The following LRRC2 variants were observed in gnomAD, a reference collection of about 807,000 sequenced individuals.
LRRC2 encodes the protein leucine rich repeat containing 2.
LRRC2 carries 27 observed loss-of-function variants against 40.2 expected under a neutral mutation model. The observed-to-expected ratio is 0.67, with a 90% CI of 0.49 to 0.93. The LOEUF is 0.93. Ranked by LOEUF, LRRC2 falls within the 40% of genes least tolerant of loss-of-function variation. The pLI, the probability that LRRC2 is intolerant of heterozygous loss-of-function variation, is 0.00. For synonymous variants in LRRC2, 147 were observed against 158.9 expected (o/e 0.92, Z 0.56); for missense variants, 402 against 439.6 (o/e 0.91, Z 0.76).
chr3:46,553,601 T>G (rs1704714973), intron 1 of LRRC2, among the ~76,000 whole-genome samples: 2 of 151,972 alleles, frequency 1.3e-5, no homozygotes, highest in Non-Finnish European at 1.5e-5. Context: ...GATCCTCCCA[T>G]CTCAGCCTCC....
At chr3:46,526,864 G>T (rs1028646374) in intron 7 of LRRC2, among the ~76,000 whole-genome samples, 7 of 152,254 alleles carry the variant, frequency 4.6e-5, no homozygotes, top group Non-Finnish European at 8.8e-5. Context: ...GTCTCAGGTA[G>T]AATTAATGGG....
At chr3:46,551,371 C>A in intron 2 of LRRC2, 96 bp downstream of exon 2, 1 of 1,455,650 alleles carries the variant, frequency 6.9e-7, no homozygotes, top group East Asian at 2.3e-5. Flanking sequence ...GTGAGAAATC[C>A]CAGAAGAAAA....
chr3:46,562,003 T>G (rs924724361), intron 1 of LRRC2, among the ~76,000 whole-genome samples: 2 of 152,236 alleles, frequency 1.3e-5, no homozygotes, highest in Non-Finnish European at 2.9e-5. Context: ...GTGGATGTGA[T>G]GGTTTTAAAC....
chr3:46,522,606 G>A (rs768021643), intron 7 of LRRC2, among the ~76,000 whole-genome samples: 5 of 151,834 alleles, frequency 3.3e-5, no homozygotes, highest in Non-Finnish European at 5.9e-5. Flanking sequence ...CCAGCTACTC[G>A]GCAGGCTGAG....
intron 4 of LRRC2, among the ~76,000 whole-genome samples, chr3:46,535,039 G>T (rs1704246529): frequency 6.6e-6 from 1 of 152,054 alleles, no homozygotes; most frequent in African/African-American, 2.4e-5. Context: ...TTTTCATTTT[G>T]CCCCACATGT....
chr3:46,559,541 G>T (rs2107058992), intron 1 of LRRC2: 1 of 152,354 alleles, frequency 6.6e-6, no homozygotes, highest in South Asian at 2.1e-4. Context: ...CTAGTAGCCA[G>T]AGCTGTACAT....
At chr3:46,539,298 G>A in intron 3 of LRRC2, 97 bp from the exon 4 acceptor site, 3 of 1,191,506 alleles carry the variant, frequency 2.5e-6, no homozygotes, top group East Asian at 2.4e-5. Flanking sequence ...AAGTGAGAAA[G>A]CAGACACGAG....
intron 1 of LRRC2, among the ~76,000 whole-genome samples, chr3:46,563,151 G>C (rs1704983348): frequency 6.6e-6 from 1 of 152,006 alleles, no homozygotes; most frequent in South Asian, 2.1e-4. Flanking sequence ...CTACATCTTA[G>C]AGGGCATGCA....
At position 46,543,193 on chromosome 3, in the gene LRRC2, G is replaced by T. The variant is rs555836331; in HGVS notation, c.333+1853C>A. 4.6e-5 allele frequency among the ~76,000 whole-genome samples: 7 copies of T among 152,248 alleles called. No individual in the cohort carries two copies. The East Asian group carries it at 1.3e-3, about 29-fold the overall frequency. The stretch of plus-strand genomic sequence containing the variant: ...CAATCACAACAGAGTACGGCTTAGG[G>T]GATGGCGTATGGGGACAAAGAGATT... On this transcript the variant is annotated intron_variant, in intron 3 of 8. Transcript: ENST00000395905.
At chr3:46,528,594 G>T (rs1481761167) in intron 6 of LRRC2, among the ~76,000 whole-genome samples, 1 of 152,068 alleles carries the variant, frequency 6.6e-6, no homozygotes, top group African/African-American at 2.4e-5. Context: ...GCCTCCCCCT[G>T]GGAATTTTTC....
At chr3:46,532,669 T>C in intron 5 of LRRC2, 104 bp downstream of exon 5, 2 of 1,227,348 alleles carry the variant, frequency 1.6e-6, no homozygotes, top group East Asian at 2.4e-5. Context: ...GGTGATATAA[T>C]AAAGATAGAT....
chr3:46,552,103 T>C (rs993341215), intron 1 of LRRC2, among the ~76,000 whole-genome samples: 11 of 152,254 alleles, frequency 7.2e-5, no homozygotes, highest in Admixed American at 2.6e-4. Flanking sequence ...AGGGTCACCT[T>C]CTCTAGATGG....
intron 6 of LRRC2, among the ~76,000 whole-genome samples, chr3:46,529,341 C>T (rs1704117308): frequency 6.6e-6 from 1 of 152,068 alleles, no homozygotes; most frequent in Non-Finnish European, 1.5e-5. Context: ...CTTTGAGAGG[C>T]CAAGGCAGAA....
At chr3:46,552,194 A>C (rs1286160317) in intron 1 of LRRC2, among the ~76,000 whole-genome samples, 1 of 152,082 alleles carries the variant, frequency 6.6e-6, no homozygotes, top group African/African-American at 2.4e-5. Context: ...ACGGTTCCAC[A>C]TTGTATTAAA....
rs150374428 is a variant in LRRC2, at chr3:46,531,176, C to A, written c.628-1126G>T. ...ATTTTTTTTTTTTTTTTTGAGATGG[C>A]GTTTCACTCTGTCACACAGGCTGGA... On this transcript the variant is annotated intron_variant, in intron 5 of 8. Transcript: ENST00000395905. Among the ~76,000 whole-genome samples, 7 of 143,534 alleles carry A rather than the reference C, an allele frequency of 4.9e-5. No individual in the cohort carries two copies. In the East Asian group the frequency reaches 1.2e-3, roughly 25 times the overall value. 94.2% of individuals were successfully genotyped at this position (143,534 alleles called of 152,430 possible).
intron 3 of LRRC2, among the ~76,000 whole-genome samples, chr3:46,539,946 G>A (rs1704349285): frequency 6.6e-6 from 1 of 152,018 alleles, no homozygotes. Flanking sequence ...GCACTGAGGG[G>A]TGGGGCAAAG....
At chr3:46,528,130 C>G (rs950010346) in intron 6 of LRRC2, among the ~76,000 whole-genome samples, 1 of 152,142 alleles carries the variant, frequency 6.6e-6, no homozygotes. Flanking sequence ...GCGGGATAAG[C>G]ATACTGCACA....
chr3:46,545,287 C>G, intron 2 of LRRC2, 34 bp from the exon 3 acceptor site: 4 of 1,594,284 alleles, frequency 2.5e-6, no homozygotes, highest in Non-Finnish European at 3.4e-6. Flanking sequence ...AGTTACTCTC[C>G]TGGGGACTGG....
intron 4 of LRRC2, among the ~76,000 whole-genome samples, chr3:46,537,037 G>T (rs566132129): frequency 6.6e-6 from 1 of 152,254 alleles, no homozygotes; most frequent in Non-Finnish European, 1.5e-5. Flanking sequence ...CCAAGCCAAG[G>T]TGGCAGGATG....
Sources: gnomAD v4.1 joint callset for allele counts (sites outside exome capture counted in the v4.1 genomes callset) on GRCh38, gnomAD v4.1.1 for gene constraint, MANE v1.5 for transcripts, NCBI Gene and HGNC (gene_info 2026-07-23, HGNC 2026-07-21) for gene names.